BRINP3: variants seen among roughly 807,000 people sequenced by gnomAD.
BRINP3 encodes BMP/retinoic acid inducible neural specific 3, also known as BMP/retinoic acid-inducible neural-specific protein 3.
Under a neutral mutation model 71.0 loss-of-function variants are expected in BRINP3, and 19 were observed. That is an observed-to-expected ratio of 0.27 (90% CI 0.19 to 0.39). The LOEUF (loss-of-function observed/expected upper bound fraction) is 0.39, where lower values mean the gene tolerates loss of function less well. Among genes scored for constraint, BRINP3 ranks in the 10% least tolerant of loss-of-function variants. The pLI is 1.00. For synonymous variants in BRINP3, 380 were observed against 337.7 expected, an observed-to-expected ratio of 1.13 and a Z score of -1.37; for missense variants, 959 against 940.8, an observed-to-expected ratio of 1.02 and a Z score of -0.25.
chr1:190,178,126 A>G (rs1309522605), intron 6 of BRINP3, among the ~76,000 whole-genome samples: 2 of 152,116 alleles, frequency 1.3e-5, no homozygotes, highest in Admixed American at 1.3e-4. Context: ...ATACCAAGAG[A>G]CTGTATTTGT....
intron 4 of BRINP3, among the ~76,000 whole-genome samples, chr1:190,235,942 A>G (rs1250421294): frequency 6.6e-6 from 1 of 151,910 alleles, no homozygotes; most frequent in East Asian, 1.9e-4. Flanking sequence ...AAAATGCGGG[A>G]GTTTTTGTCT....
chr1:190,471,425 G>T (rs1203432067), intron 1 of BRINP3, among the ~76,000 whole-genome samples: 2 of 151,142 alleles, frequency 1.3e-5, no homozygotes, highest in Admixed American at 6.6e-5. Flanking sequence ...TTGTTATTTT[G>T]CTTTCCTTTA....
intron 2 of BRINP3, among the ~76,000 whole-genome samples, chr1:190,305,787 AG>A: frequency 6.6e-6 from 1 of 151,928 alleles, no homozygotes; most frequent in African/African-American, 2.4e-5. Context: ...GCTAGAAGAG[AG>A]GTTTTAAAAC....
rs140999557 is a variant in BRINP3 at position 190,453,980 on chromosome 1, C to T, written c.236+675G>A. Among the ~76,000 whole-genome samples the T allele has an allele frequency of 4.5e-3, 683 of 152,286 alleles. 5 individuals carry two copies. Among genetic ancestry groups the T allele is most frequent in the African/African-American group, 0.015 (638 of 41,574 alleles). ...CTAATCCATCAGGCAACCACTTGTA[C>T]ACTCTTCTACTTAATGTATTCACGG... On this transcript the variant is annotated intron_variant, in intron 2 of 7. Coordinates refer to ENST00000367462, the MANE Select transcript of BRINP3 (RefSeq NM_199051.3).
intron 2 of BRINP3, among the ~76,000 whole-genome samples, chr1:190,445,496 A>G (rs1675152357): frequency 1.3e-5 from 2 of 152,122 alleles, no homozygotes; most frequent in African/African-American, 2.4e-5. Context: ...AAACATCATA[A>G]TGCAAATCAC....
At chr1:190,246,438 T>C (rs1158637287) in intron 4 of BRINP3, among the ~76,000 whole-genome samples, 1 of 151,954 alleles carries the variant, frequency 6.6e-6, no homozygotes, top group Non-Finnish European at 1.5e-5. Context: ...ATTTTGGGTC[T>C]CTAGAAGTTG....
intron 6 of BRINP3, among the ~76,000 whole-genome samples, chr1:190,165,456 TTTTTTGTG>T (rs1202264831): frequency 1.9e-5 from 2 of 107,626 alleles, no homozygotes; most frequent in Non-Finnish European, 3.9e-5. Context: ...TTTTTTTTTT[TTTTTTGTG>T]TGTGTGTGTG....
At chr1:190,427,742 T>A (rs1165977533) in intron 2 of BRINP3, among the ~76,000 whole-genome samples, 3 of 152,072 alleles carry the variant, frequency 2.0e-5, no homozygotes, top group African/African-American at 7.2e-5. Context: ...ATTTTTATTT[T>A]AACTTTTATT....
intron 3 of BRINP3, among the ~76,000 whole-genome samples, chr1:190,268,455 C>G (rs574395600): frequency 6.6e-6 from 1 of 152,200 alleles, no homozygotes; most frequent in East Asian, 1.9e-4. Context: ...CAGCAACTTT[C>G]TTAATGGGGA....
intron 2 of BRINP3, among the ~76,000 whole-genome samples, chr1:190,320,844 C>T (rs947462832): frequency 6.6e-6 from 1 of 152,054 alleles, no homozygotes; most frequent in Admixed American, 6.6e-5. Flanking sequence ...ACAAACTCCA[C>T]ACAGACAGTG....
chr1:190,238,506 A>G (rs1198594473), intron 4 of BRINP3, among the ~76,000 whole-genome samples: 1 of 152,108 alleles, frequency 6.6e-6, no homozygotes, highest in Non-Finnish European at 1.5e-5. Context: ...GACAAAAAAG[A>G]TATATAAACA....
intron 1 of BRINP3, among the ~76,000 whole-genome samples, chr1:190,470,303 C>T (rs1353705756): frequency 6.6e-6 from 1 of 150,950 alleles, no homozygotes; most frequent in African/African-American, 2.4e-5. Context: ...ATAAATGAAA[C>T]ACACCATTAT....
At position 190,474,243 on chromosome 1, in the gene BRINP3, T is replaced by C. The variant is rs146919575; in HGVS notation, c.-51+3205A>G. Among the ~76,000 whole-genome samples, 250 of 152,318 alleles carry C rather than the reference T, an allele frequency of 1.6e-3. 1 individual carries two copies. Among genetic ancestry groups the C allele is most frequent in the African/African-American group, 5.8e-3 (243 of 41,570 alleles). ...CAGTTAAATTAATGCATGTTAAACATCTAAACTGTTTTACCCTGTTTCGTG... is the reference window on the plus strand; with the variant it reads ...CAGTTAAATTAATGCATGTTAAACACCTAAACTGTTTTACCCTGTTTCGTG... On this transcript the variant is annotated intron_variant, in intron 1 of 7. Transcript: ENST00000367462.
At chr1:190,167,327 A>T (rs959817773) in intron 6 of BRINP3, among the ~76,000 whole-genome samples, 2 of 152,182 alleles carry the variant, frequency 1.3e-5, no homozygotes, top group Non-Finnish European at 2.9e-5. Flanking sequence ...AAACCTACAC[A>T]GCATTAAGGG....
At chr1:190,351,982 A>C (rs748552836) in intron 2 of BRINP3, among the ~76,000 whole-genome samples, 1 of 152,052 alleles carries the variant, frequency 6.6e-6, no homozygotes, top group Non-Finnish European at 1.5e-5. Flanking sequence ...TAAATTTTAT[A>C]CAGAAAAAAT....
At chr1:190,205,443 C>T (rs1655412907) in intron 6 of BRINP3, among the ~76,000 whole-genome samples, 2 of 152,022 alleles carry the variant, frequency 1.3e-5, no homozygotes, top group Admixed American at 6.6e-5. Context: ...AATAAGCTTT[C>T]CATGTTTTAA....
intron 6 of BRINP3, among the ~76,000 whole-genome samples, chr1:190,200,678 G>A (rs553003069): frequency 1.1e-4 from 17 of 152,148 alleles, no homozygotes; most frequent in South Asian, 2.1e-4. Flanking sequence ...CCTACATGTT[G>A]TGGGAGGGGC....
chr1:190,443,691 T>C (rs988867902), intron 2 of BRINP3, among the ~76,000 whole-genome samples: 2 of 152,070 alleles, frequency 1.3e-5, no homozygotes, highest in African/African-American at 4.8e-5. Context: ...CAAACCAATG[T>C]CTGTTATCCT....
intron 7 of BRINP3, among the ~76,000 whole-genome samples, chr1:190,115,888 A>G (rs1393822287): frequency 2.0e-5 from 3 of 152,160 alleles, no homozygotes. Flanking sequence ...TTCATAGGAA[A>G]ATGAAATTCA....
Sources: allele counts gnomAD v4.1 joint callset (sites outside exome capture counted in the v4.1 genomes callset), GRCh38; gene constraint gnomAD v4.1.1; transcripts MANE v1.5; gene names NCBI Gene and HGNC (gene_info 2026-07-23, HGNC 2026-07-21).